Variants in HS3ST3A1 observed in about 807,000 individuals in gnomAD.
HS3ST3A1 encodes heparan sulfate-glucosamine 3-sulfotransferase 3A1.
Under a neutral mutation model 25.7 loss-of-function variants are expected in HS3ST3A1, and 19 were observed. The observed-to-expected ratio is 0.74, with a 90% CI of 0.52 to 1.08. The LOEUF is 1.08. Ranked by LOEUF, HS3ST3A1 falls within the 50% of genes least tolerant of loss-of-function variation. HS3ST3A1 has a pLI of 0.00. For synonymous variants in HS3ST3A1, 226 were observed against 278.6 expected, an observed-to-expected ratio of 0.81 and a Z score of 1.88; for missense variants, 459 against 594.3, an observed-to-expected ratio of 0.77 and a Z score of 2.37.
intron 1 of HS3ST3A1, among the ~76,000 whole-genome samples, chr17:13,555,261 T>G (rs1168277280): frequency 6.6e-6 from 1 of 152,180 alleles, no homozygotes; most frequent in Admixed American, 6.6e-5. Context: ...CCCTTGTTTT[T>G]ATAAACCTAC....
chr17:13,526,504 ATATATATATATT>A (rs1489775236), intron 1 of HS3ST3A1, among the ~76,000 whole-genome samples: 4 of 120,970 alleles, frequency 3.3e-5, no homozygotes, highest in East Asian at 2.7e-4. Context: ...ATATATATAT[ATATATATATATT>A]ATTGGGTTGG....
At chr17:13,560,312 A>C in intron 1 of HS3ST3A1, among the ~76,000 whole-genome samples, 1 of 144,092 alleles carries the variant, frequency 6.9e-6, no homozygotes, top group Non-Finnish European at 1.5e-5. Flanking sequence ...AAAAAAAAAA[A>C]AAAAAAAGTG....
intron 1 of HS3ST3A1, among the ~76,000 whole-genome samples, chr17:13,560,482 A>T (rs1907511594): frequency 1.3e-5 from 2 of 152,056 alleles, no homozygotes; most frequent in South Asian, 4.2e-4. Context: ...ACCTACAAAC[A>T]AAAACATTCT....
intron 1 of HS3ST3A1, among the ~76,000 whole-genome samples, chr17:13,583,588 TA>T (rs909465713): frequency 1.3e-5 from 2 of 152,186 alleles, no homozygotes; most frequent in African/African-American, 4.8e-5. Context: ...ACCATGCTGC[TA>T]AAGGCCTACC....
rs34995100 is a variant in HS3ST3A1, at chr17:13,591,661, C to CTT, written c.599+8868_599+8869dup. On this transcript the variant is annotated intron_variant, in intron 1 of 1. Transcript: ENST00000284110. ...TGCCCAAATTTCCTTTTTTCTTCTTCTTTTTTTTTTTTTTTGGGACAGAGT... is the reference window on the plus strand; with the variant it reads ...TGCCCAAATTTCCTTTTTTCTTCTTCTTTTTTTTTTTTTTTTTGGGACAGAGT... 5.7e-3 allele frequency among the ~76,000 whole-genome samples: 809 copies of CTT among 142,236 alleles called. 10 individuals carry two copies. Among genetic ancestry groups the CTT allele is most frequent in the African/African-American group, 0.017 (644 of 37,874 alleles). The allele number at this position is 142,236 out of a possible 152,430, so 93.3% of individuals were successfully genotyped here.
intron 1 of HS3ST3A1, among the ~76,000 whole-genome samples, chr17:13,499,443 T>C (rs779451625): frequency 1.1e-4 from 16 of 152,206 alleles, no homozygotes; most frequent in Non-Finnish European, 1.9e-4. Context: ...AGAAAGAGTA[T>C]TTATAGATTT....
intron 1 of HS3ST3A1, among the ~76,000 whole-genome samples, chr17:13,530,005 T>TACACACACACACAC (rs3220827): frequency 8.1e-5 from 12 of 149,058 alleles, no homozygotes; most frequent in African/African-American, 3.0e-4. Flanking sequence ...TTTATGTAAC[T>TACACACACACACAC]ACACACACAC....
At position 13,601,091 on chromosome 17, in the gene HS3ST3A1, C is replaced by A. The variant is rs28663356; in HGVS notation, c.39G>T (p.Ser13=). The A allele has an allele frequency of 0.012, 19,880 of 1,591,590 alleles. 556 individuals carry two copies. Among genetic ancestry groups the A allele is most frequent in the African/African-American group, 0.1 (7,516 of 73,710 alleles). Residue 13 remains serine (S), a synonymous_variant, in exon 1 of 2, where the codon TCG becomes TCT. Transcript: ENST00000284110. Reference sequence around the variant, plus strand: ...AGATGCTGCGGGACAGCGGCTCGGCCGAGGTGGAGAGGGCACTGGCCGGGC... The same window carrying A: ...AGATGCTGCGGGACAGCGGCTCGGCAGAGGTGGAGAGGGCACTGGCCGGGC... ...PPGPASALST[S]AEPLSRSIFR... is the part of the protein sequence containing the mutation.
rs1905215194 is a variant in HS3ST3A1, at chr17:13,494,372, A to G, written c.*1825T>C. Among the ~76,000 whole-genome samples, 1 of 152,246 alleles carries G rather than the reference A, an allele frequency of 6.6e-6. No individual in the cohort carries two copies. The highest frequency in any genetic ancestry group is 1.5e-5 in the Non-Finnish European group (1 of 68,046). On this transcript the variant is annotated 3_prime_UTR_variant, in exon 2 of 2. Coordinates refer to ENST00000284110, the MANE Select transcript of HS3ST3A1 (RefSeq NM_006042.3). ...TTAACAGATAAATCCAAAGATTTGGAGCAATGACAAAATATCTAACACTTA... is the reference window on the plus strand; with the variant it reads ...TTAACAGATAAATCCAAAGATTTGGGGCAATGACAAAATATCTAACACTTA...
intron 1 of HS3ST3A1, among the ~76,000 whole-genome samples, chr17:13,534,803 A>G (rs1906720653): frequency 6.6e-6 from 1 of 152,068 alleles, no homozygotes; most frequent in Non-Finnish European, 1.5e-5. Flanking sequence ...AGGCAGGCAG[A>G]TCACCTGAGG....
At position 13,543,315 on chromosome 17, in the gene HS3ST3A1, T is replaced by G. The variant is rs1906988866; in HGVS notation, c.600-46497A>C. Among the ~76,000 whole-genome samples the G allele has an allele frequency of 1.3e-5, 2 of 152,158 alleles. 1 individual carries two copies. Among genetic ancestry groups the G allele is most frequent in the South Asian group, 4.1e-4 (2 of 4,836 alleles). On this transcript the variant is annotated intron_variant, in intron 1 of 1. Coordinates refer to ENST00000284110, the MANE Select transcript of HS3ST3A1 (RefSeq NM_006042.3). Reference sequence around the variant, plus strand: ...ATATCTGATGCTGTCTACAGGTTGATGGTGTCGGAACTGAATTGAATAAGA... The same window carrying G: ...ATATCTGATGCTGTCTACAGGTTGAGGGTGTCGGAACTGAATTGAATAAGA...
intron 1 of HS3ST3A1, among the ~76,000 whole-genome samples, chr17:13,516,063 C>T (rs1906042631): frequency 6.6e-6 from 1 of 152,128 alleles, no homozygotes; most frequent in African/African-American, 2.4e-5. Context: ...GTAATCCCAG[C>T]AGTTTGGAAG....
intron 1 of HS3ST3A1, among the ~76,000 whole-genome samples, chr17:13,507,027 C>G (rs1905703731): frequency 6.6e-6 from 1 of 150,488 alleles, no homozygotes; most frequent in African/African-American, 2.4e-5. Context: ...CAAGATTGCG[C>G]CACCACACTC....
chr17:13,585,571 A>G (rs1908236910), intron 1 of HS3ST3A1, among the ~76,000 whole-genome samples: 1 of 151,556 alleles, frequency 6.6e-6, no homozygotes, highest in African/African-American at 2.4e-5. Flanking sequence ...TTCACACTAA[A>G]CATTTCTGCA....
intron 1 of HS3ST3A1, among the ~76,000 whole-genome samples, chr17:13,525,072 G>A (rs888544832): frequency 1.3e-5 from 2 of 152,038 alleles, no homozygotes; most frequent in Non-Finnish European, 2.9e-5. Context: ...CTGTCTTGGA[G>A]TATGTATGTA....
chr17:13,592,189 C>A (rs1206760903), intron 1 of HS3ST3A1, among the ~76,000 whole-genome samples: 2 of 152,170 alleles, frequency 1.3e-5, no homozygotes, highest in Non-Finnish European at 1.5e-5. Context: ...CTGGGTTTGG[C>A]AGTAGTTCTA....
At chr17:13,594,836 CA>C (rs1208550865) in intron 1 of HS3ST3A1, among the ~76,000 whole-genome samples, 3 of 150,278 alleles carry the variant, frequency 2.0e-5, no homozygotes, top group African/African-American at 7.3e-5. Context: ...TACCTAAACA[CA>C]AGCTTTTGTT....
rs1906824964 is a variant in HS3ST3A1, at chr17:13,538,193, A to C, written c.600-41375T>G. ...AACATCCAGCAACTGCATTTTGCAG[A>C]ATGAAATTCACCATGATATTGGATA... On this transcript the variant is annotated intron_variant, in intron 1 of 1. Transcript: ENST00000284110. 2.6e-5 allele frequency among the ~76,000 whole-genome samples: 4 copies of C among 152,216 alleles called. No homozygotes were observed. The South Asian group carries it at 8.3e-4, about 32-fold the overall frequency.
intron 1 of HS3ST3A1, among the ~76,000 whole-genome samples, chr17:13,588,666 T>C (rs1029713317): frequency 2.7e-5 from 4 of 150,640 alleles, no homozygotes; most frequent in Non-Finnish European, 5.9e-5. Flanking sequence ...TCTCTTAGTA[T>C]AGTCCATTTT....
Sources: gnomAD v4.1 joint callset for allele counts (sites outside exome capture counted in the v4.1 genomes callset) on GRCh38, gnomAD v4.1.1 for gene constraint, MANE v1.5 for transcripts, NCBI Gene and HGNC (gene_info 2026-07-23, HGNC 2026-07-21) for gene names.